The following CDKAL1 variants were observed in gnomAD, a reference collection of about 807,000 sequenced individuals.
The protein encoded by CDKAL1 is CDKAL1 threonylcarbamoyladenosine tRNA methylthiotransferase.
Under a neutral mutation model 68.2 loss-of-function variants are expected in CDKAL1, and 32 were observed. That is an observed-to-expected ratio of 0.47 (90% confidence interval 0.35 to 0.63). The LOEUF (loss-of-function observed/expected upper bound fraction) is 0.63. CDKAL1 is among the 30% of genes least tolerant of loss of function. The pLI, the probability that CDKAL1 is intolerant of heterozygous loss-of-function variation, is 0.00. For synonymous variants in CDKAL1, 234 were observed against 244.3 expected, an observed-to-expected ratio of 0.96 and a Z score of 0.39; for missense variants, 606 against 696.7, an observed-to-expected ratio of 0.87 and a Z score of 1.47.
At chr6:20,878,789 C>T (rs1411005928) in intron 9 of CDKAL1, among the ~76,000 whole-genome samples, 4 of 145,756 alleles carry the variant, frequency 2.7e-5, no homozygotes, top group Non-Finnish European at 3.0e-5. Context: ...AAAGAAATAT[C>T]CCCCTTCGGC....
chr6:21,140,919 G>A (rs62404506), intron 13 of CDKAL1, among the ~76,000 whole-genome samples: 7,647 of 152,168 alleles, frequency 0.05, 262 homozygotes, highest in Non-Finnish European at 0.076. Context: ...ACATGGCGGC[G>A]CCAGGAGAAA....
intron 9 of CDKAL1, among the ~76,000 whole-genome samples, chr6:20,940,277 G>T (rs539398498): frequency 6.6e-6 from 1 of 152,220 alleles, no homozygotes; most frequent in East Asian, 1.9e-4. Context: ...TCACTGTGAA[G>T]AATTTTCAGT....
chr6:21,207,557 A>G (rs936949396), intron 15 of CDKAL1, among the ~76,000 whole-genome samples: 4 of 152,180 alleles, frequency 2.6e-5, no homozygotes, highest in African/African-American at 9.7e-5. Context: ...TTCACTGTAC[A>G]TTATAGTATA....
chr6:21,077,027 A>T (rs1772107994), intron 12 of CDKAL1, among the ~76,000 whole-genome samples: 2 of 152,144 alleles, frequency 1.3e-5, no homozygotes, highest in Non-Finnish European at 2.9e-5. Flanking sequence ...GTGGGTTTTT[A>T]TACAGAGGAT....
rs1370244462 is a variant in CDKAL1, at chr6:20,672,285, TCTCTCTCTCTCTCCCTCTCC to T, written c.371+22914_371+22933del. ...TTCTTTTTCTTTTTCTTTCTTTCTC[TCTCTCTCTCTCTCCCTCTCC>T]CTCTCCCTCTCCGTCTCTTTCTCTC... On this transcript the variant is annotated intron_variant, in intron 5 of 15. Transcript: ENST00000274695. 4.6e-3 allele frequency among the ~76,000 whole-genome samples: 644 copies of T among 139,880 alleles called. 5 individuals are homozygous for T. The highest frequency in any genetic ancestry group is 0.017 in the African/African-American group (596 of 34,304). The allele number at this position is 139,880 out of a possible 152,430, so 91.8% of individuals were successfully genotyped here. A position where few individuals can be genotyped will look rare whatever the true frequency, so the allele number is the denominator to read the frequency against.
chr6:20,568,542 G>A (rs1764556580), intron 4 of CDKAL1, among the ~76,000 whole-genome samples: 1 of 151,682 alleles, frequency 6.6e-6, no homozygotes, highest in African/African-American at 2.4e-5. Context: ...GACCATCCTG[G>A]CTAACACGGT....
chr6:21,133,736 A>G (rs1775441249), intron 13 of CDKAL1, among the ~76,000 whole-genome samples: 1 of 152,232 alleles, frequency 6.6e-6, no homozygotes, highest in Non-Finnish European at 1.5e-5. Flanking sequence ...AGGTCTTTAT[A>G]TAGTAAAACA....
In CDKAL1 at chr6:20,955,690, A is replaced by T. The variant is rs576145390; in HGVS notation, c.909+105A>T. The T allele has an allele frequency of 6.3e-5, 52 of 823,632 alleles. No homozygotes were observed. In the African/African-American group the frequency reaches 7.3e-4, roughly 12 times the overall value. 51.0% of individuals were successfully genotyped at this position (823,632 alleles called of 1,614,324 possible). A position where few individuals can be genotyped will look rare whatever the true frequency, so the allele number is the denominator to read the frequency against. ...TCAGCTTCATTTAAAACTCCTTCAC[A>T]TTTTTTTTTTGTAGTCCCGCATTTC... is the stretch of plus-strand genomic sequence containing the variant. On this transcript the variant is annotated intron_variant, in intron 10 of 15. Coordinates refer to ENST00000274695, the MANE Select transcript of CDKAL1 (RefSeq NM_017774.3).
intron 5 of CDKAL1, among the ~76,000 whole-genome samples, chr6:20,657,349 A>C (rs1463314502): frequency 6.6e-6 from 1 of 152,164 alleles, no homozygotes; most frequent in African/African-American, 2.4e-5. Context: ...TTATACCCAA[A>C]TGTAAAGATT....
chr6:20,616,100 G>T (rs1206848784), intron 4 of CDKAL1, among the ~76,000 whole-genome samples: 1 of 148,514 alleles, frequency 6.7e-6, no homozygotes, highest in Non-Finnish European at 1.5e-5. Context: ...TAGATATGCG[G>T]CGTTATTTCT....
intron 10 of CDKAL1, among the ~76,000 whole-genome samples, chr6:20,974,013 A>G (rs1050103403): frequency 2.0e-5 from 3 of 152,244 alleles, no homozygotes; most frequent in African/African-American, 7.2e-5. Context: ...ACATTAGGGA[A>G]AACGTGAAGA....
chr6:20,743,962 T>C (rs1173522404), intron 6 of CDKAL1, among the ~76,000 whole-genome samples: 2 of 152,238 alleles, frequency 1.3e-5, no homozygotes, highest in Non-Finnish European at 2.9e-5. Flanking sequence ...TTAAATTTTG[T>C]ATCTAGATGA....
chr6:20,632,791 G>A (rs1490418889), intron 4 of CDKAL1, among the ~76,000 whole-genome samples: 1 of 152,058 alleles, frequency 6.6e-6, no homozygotes, highest in Non-Finnish European at 1.5e-5. Flanking sequence ...TTAGTTCATC[G>A]AGGGACTATT....
chr6:20,591,986 A>T (rs893904614), intron 4 of CDKAL1, among the ~76,000 whole-genome samples: 1 of 152,140 alleles, frequency 6.6e-6, no homozygotes, highest in Non-Finnish European at 1.5e-5. Flanking sequence ...CATGATATTG[A>T]TTCTTCCTAT....
In CDKAL1 at chr6:20,546,455, C is replaced by T; in HGVS notation, c.105C>T (p.Val35=). ...GGCATTTTGTAAGAAAGGATGTTGT[C>T]CCGAAGGTACGAAGGCGAAATACCC... ...QDRHFVRKDV[V]PKVRRRNTQK... Residue 35 remains valine (V), a synonymous_variant, in exon 3 of 16, where the codon GTC becomes GTT. Coordinates refer to ENST00000274695, the MANE Select transcript of CDKAL1 (RefSeq NM_017774.3). 6.2e-7 allele frequency: 1 copy of T among 1,614,020 alleles called. No homozygotes were observed. Among genetic ancestry groups the T allele is most frequent in the Non-Finnish European group, 8.5e-7 (1 of 1,179,954 alleles).
intron 13 of CDKAL1, among the ~76,000 whole-genome samples, chr6:21,152,602 T>C (rs1776465216): frequency 6.6e-6 from 1 of 152,246 alleles, no homozygotes; most frequent in Admixed American, 6.5e-5. Context: ...TCGTAGTCTA[T>C]GCTATTTCTG....
intron 12 of CDKAL1, among the ~76,000 whole-genome samples, chr6:21,095,412 A>G (rs191043340): frequency 3.0e-4 from 46 of 152,330 alleles, no homozygotes; most frequent in African/African-American, 9.9e-4. Flanking sequence ...TTGTGTGAAC[A>G]TGGGTTGATT....
At chr6:20,597,682 T>A (rs1490147749) in intron 4 of CDKAL1, among the ~76,000 whole-genome samples, 2 of 152,256 alleles carry the variant, frequency 1.3e-5, no homozygotes, top group Admixed American at 1.3e-4. Context: ...CCCAAAGTGC[T>A]GGGATTACAG....
intron 9 of CDKAL1, among the ~76,000 whole-genome samples, chr6:20,916,400 G>A (rs1335094723): frequency 6.6e-6 from 1 of 152,184 alleles, no homozygotes; most frequent in Non-Finnish European, 1.5e-5. Context: ...GATGGAGGAA[G>A]AATTGAAAAA....
Sources: gnomAD v4.1 joint callset for allele counts (sites outside exome capture counted in the v4.1 genomes callset) on GRCh38, gnomAD v4.1.1 for gene constraint, MANE v1.5 for transcripts, NCBI Gene and HGNC (gene_info 2026-07-23, HGNC 2026-07-21) for gene names.